Variants in NPIPB11 observed in about 807,000 individuals in gnomAD.
NPIPB11 encodes the protein nuclear pore complex interacting protein family member B11.
NPIPB11 carries 17 observed loss-of-function variants against 32.8 expected under a neutral mutation model. The observed-to-expected ratio is 0.52, with a 90% CI of 0.35 to 0.78. NPIPB11 has a LOEUF of 0.78. NPIPB11 is among the 30% of genes least tolerant of loss of function. NPIPB11 has a pLI of 0.01. For synonymous variants in NPIPB11, 209 were observed against 398.4 expected (o/e 0.52, Z 5.66); for missense variants, 537 against 1,000.4 (o/e 0.54, Z 6.25).
At chr16:29,400,453 C>T (rs2142138026) in intron 2 of NPIPB11, among the ~76,000 whole-genome samples, 1 of 149,916 alleles carries the variant, frequency 6.7e-6, no homozygotes, top group Non-Finnish European at 1.5e-5. Flanking sequence ...AATGGGAGTG[C>T]CAATGGCTGC....
chr16:29,394,042 C>T lies in NPIPB11; in HGVS notation c.155G>A (p.Gly52Glu), dbSNP rs558958541. 72 of 1,599,252 alleles carry T rather than the reference C, an allele frequency of 4.5e-5. No homozygotes were observed. The African/African-American group carries it at 5.9e-4, about 13-fold the overall frequency. Residue 52 changes from glycine to glutamate, a missense_variant, in exon 3 of 8, where the codon GGG becomes GAG. Coordinates refer to ENST00000524087, the Ensembl canonical transcript of NPIPB11. ...CCAAGGACTTCCACCAAAGTCAGTC[C>T]CACGATGATGATGGTCAGCCAGAGT...
exon 8 of NPIPB11, chr16:29,383,068 A>G (rs751233613): frequency 6.2e-7 from 1 of 1,604,782 alleles, no homozygotes; most frequent in Non-Finnish European, 8.5e-7. Flanking sequence ...AGGTATCTTG[A>G]TATTATCATC....
At chr16:29,400,872 A>G (rs1375375682) in intron 2 of NPIPB11, among the ~76,000 whole-genome samples, 4 of 152,120 alleles carry the variant, frequency 2.6e-5, no homozygotes, top group Admixed American at 6.6e-5. Context: ...GTGAGCAAGT[A>G]GAGTCACCAA....
At chr16:29,390,653 T>TACACAC (rs56110526) in intron 3 of NPIPB11, among the ~76,000 whole-genome samples, 119 of 146,512 alleles carry the variant, frequency 8.1e-4, no homozygotes, top group Middle Eastern at 3.4e-3. Context: ...CTCTGTCACA[T>TACACAC]ACACACACAC....
upstream of NPIPB11, among the ~76,000 whole-genome samples, chr16:29,404,806 G>A (rs1035232188): frequency 7.0e-6 from 1 of 143,764 alleles, no homozygotes; most frequent in East Asian, 2.0e-4. Flanking sequence ...TGAGGTAGCT[G>A]GAGGATCATT....
At chr16:29,406,512 G>A (rs561637988), upstream of NPIPB11, among the ~76,000 whole-genome samples, 6 of 152,328 alleles carry the variant, frequency 3.9e-5, no homozygotes, top group East Asian at 9.7e-4. Context: ...GAGGTCGGGA[G>A]TTCCAGACCA....
intron 3 of NPIPB11, 66 bp from the exon 4 acceptor site, chr16:29,390,414 C>G: frequency 6.3e-7 from 1 of 1,595,160 alleles, no homozygotes; most frequent in Non-Finnish European, 8.5e-7. Context: ...CCCAGTACTT[C>G]GGGAAGCTGA....
At chr16:29,389,911 C>G (rs1483140993) in intron 5 of NPIPB11, 30 bp downstream of exon 5, 4 of 1,583,664 alleles carry the variant, frequency 2.5e-6, no homozygotes, top group Non-Finnish European at 3.4e-6. Context: ...ATGGTTCCTA[C>G]AACAGTATTT....
chr16:29,384,395 A>C (rs1596672698), intron 7 of NPIPB11, 106 bp from the exon 8 acceptor site: 4 of 484,184 alleles, frequency 8.3e-6, no homozygotes, highest in Non-Finnish European at 1.3e-5. Context: ...AGATTTTTGC[A>C]CCTTTCCATC....
upstream of NPIPB11, among the ~76,000 whole-genome samples, chr16:29,406,594 G>A (rs1193133185): frequency 6.6e-6 from 1 of 152,124 alleles, no homozygotes; most frequent in Non-Finnish European, 1.5e-5. Context: ...CATGCCTGTA[G>A]TCTCAGCTAC....
intron 2 of NPIPB11, among the ~76,000 whole-genome samples, chr16:29,399,614 T>A (rs191762894): frequency 6.6e-6 from 1 of 151,002 alleles, no homozygotes; most frequent in Non-Finnish European, 1.5e-5. Flanking sequence ...AGGAGAATAG[T>A]TTGAACCCAG....
exon 8 of NPIPB11, chr16:29,382,225 G>C (rs749543607): frequency 5.7e-6 from 9 of 1,572,886 alleles, no homozygotes; most frequent in Admixed American, 3.5e-5. Flanking sequence ...GTGAGCTGAC[G>C]TTTGGAAGGT....
intron 5 of NPIPB11, among the ~76,000 whole-genome samples, chr16:29,387,443 G>A (rs1280473056): frequency 6.7e-6 from 1 of 149,732 alleles, no homozygotes; most frequent in East Asian, 1.9e-4. Flanking sequence ...AGAGGCTGAT[G>A]CCAGAACTGA....
At chr16:29,383,180 G>A (rs544611817) in exon 8 of NPIPB11, 57 of 1,587,120 alleles carry the variant, frequency 3.6e-5, no homozygotes, top group African/African-American at 2.6e-4. Flanking sequence ...GCAGATGCTC[G>A]GCAGGTGTCT....
At chr16:29,383,216 A>C in exon 8 of NPIPB11, 1 of 1,562,340 alleles carries the variant, frequency 6.4e-7, no homozygotes, top group Non-Finnish European at 8.7e-7. Context: ...CTGAGGGTGG[A>C]GCTGAGGGTG....
chr16:29,396,993 C>A (rs1357596784), intron 2 of NPIPB11, among the ~76,000 whole-genome samples: 1 of 151,636 alleles, frequency 6.6e-6, no homozygotes, highest in South Asian at 2.2e-4. Context: ...ACTAAAAACA[C>A]AAAAATTAGC....
chr16:29,383,123 C>G, exon 8 of NPIPB11: 1 of 1,592,228 alleles, frequency 6.3e-7, no homozygotes, highest in East Asian at 2.3e-5. Context: ...AGCTGACGCT[C>G]GGAAGGTCTC....
rs577271450 is a variant in NPIPB11 at position 29,383,177 on chromosome 16, C to T, written c.1755G>A (p.Glu585=). Residue 585 remains glutamate (E), a synonymous_variant, in exon 8 of 8, where the codon GAG becomes GAA. Transcript: ENST00000524087. ...GAGGGTGGAAGCGGAACTGCAGATG[C>T]TCGGCAGGTGTCTTGATATTATCAT... 14 of 1,592,166 alleles carry T rather than the reference C, an allele frequency of 8.8e-6. No individual in the cohort carries two copies. In the South Asian group the frequency reaches 1.5e-4, roughly 17 times the overall value.
Position 29,389,835 on chromosome 16 carries a change from G to T in NPIPB11, c.545+106C>A. On this transcript the variant is annotated intron_variant, in intron 5 of 7. Transcript: ENST00000524087. Reference sequence around the variant, plus strand: ...GGACAAACTCAATTTTGAACCTACTGAATTTGCCACAAATATTGTAGAAAA... The same window carrying T: ...GGACAAACTCAATTTTGAACCTACTTAATTTGCCACAAATATTGTAGAAAA... 4 of 1,559,080 alleles carry T rather than the reference G, an allele frequency of 2.6e-6. 1 individual carries two copies. Among genetic ancestry groups the T allele is most frequent in the South Asian group, 1.1e-5 (1 of 87,366 alleles).
Sources: gnomAD v4.1 joint callset for allele counts (sites outside exome capture counted in the v4.1 genomes callset) on GRCh38, gnomAD v4.1.1 for gene constraint, MANE v1.5 for transcripts, NCBI Gene and HGNC (gene_info 2026-07-23, HGNC 2026-07-21) for gene names.